NLGN1: variants seen among roughly 807,000 people sequenced by gnomAD.
NLGN1 encodes the protein neuroligin 1.
A neutral mutation model predicts 65.5 loss-of-function variants in NLGN1; 12 were observed. The observed-to-expected ratio is 0.18, with a 90% confidence interval of 0.12 to 0.30. The LOEUF (loss-of-function observed/expected upper bound fraction) is 0.30, where lower values mean the gene tolerates loss of function less well. Ranked by LOEUF, NLGN1 falls within the 10% of genes least tolerant of loss-of-function variation. The pLI is 1.00. For synonymous variants in NLGN1, 350 were observed against 359.5 expected, an observed-to-expected ratio of 0.97 and a Z score of 0.30; for missense variants, 750 against 1,007.1, an observed-to-expected ratio of 0.74 and a Z score of 3.46.
At chr3:173,493,949 A>G (rs1729592986) in intron 2 of NLGN1, among the ~76,000 whole-genome samples, 2 of 151,844 alleles carry the variant, frequency 1.3e-5, no homozygotes, top group African/African-American at 2.4e-5. Context: ...CCACATGGCT[A>G]TCCTCAGATT....
At chr3:173,883,429 A>G (rs1039591720) in intron 4 of NLGN1, among the ~76,000 whole-genome samples, 1 of 152,216 alleles carries the variant, frequency 6.6e-6, no homozygotes, top group South Asian at 2.1e-4. Context: ...ATCATAACAA[A>G]TAATAATAAT....
chr3:173,631,073 G>A (rs757502294), intron 3 of NLGN1, among the ~76,000 whole-genome samples: 1 of 152,034 alleles, frequency 6.6e-6, no homozygotes, highest in Non-Finnish European at 1.5e-5. Flanking sequence ...TCTTCTGATT[G>A]GTAACTGTGT....
rs147086115 is a variant in NLGN1 at position 173,762,010 on chromosome 3, A to G, written c.494-45670A>G. ...AGGGTTACAGAATGTTTCAGGGGCA[A>G]GAGTCTTCTTATAGCCTACTGGTAA... On this transcript the variant is annotated intron_variant, in intron 3 of 6. Coordinates refer to ENST00000457714, the Ensembl canonical transcript of NLGN1. Among the ~76,000 whole-genome samples the G allele has an allele frequency of 2.0e-4, 31 of 152,268 alleles. No individual in the cohort carries two copies. In the East Asian group the frequency reaches 5.8e-3, roughly 28 times the overall value.
intron 4 of NLGN1, among the ~76,000 whole-genome samples, chr3:174,060,998 G>A (rs1240526308): frequency 1.3e-5 from 2 of 152,086 alleles, no homozygotes; most frequent in Non-Finnish European, 2.9e-5. Context: ...GACCTTGGGA[G>A]ATATACTGAA....
At chr3:173,584,432 T>TTG (rs34020380) in intron 2 of NLGN1, 1 of 106,308 alleles carries the variant, frequency 9.4e-6, no homozygotes, top group South Asian at 2.9e-4. Context: ...TTTTTTTTTT[T>TTG]GCGAGGAGTG....
chr3:173,673,199 A>G (rs1205665294), intron 3 of NLGN1, among the ~76,000 whole-genome samples: 2 of 152,132 alleles, frequency 1.3e-5, no homozygotes, highest in Non-Finnish European at 2.9e-5. Flanking sequence ...TATGAAATGT[A>G]CCCCTGGGTA....
At chr3:173,594,077 C>G (rs536902582) in intron 2 of NLGN1, among the ~76,000 whole-genome samples, 2 of 152,202 alleles carry the variant, frequency 1.3e-5, no homozygotes, top group Admixed American at 1.3e-4. Context: ...TCATTCTGCC[C>G]CTGGCCCCTC....
chr3:173,805,969 A>G (rs1238877564), intron 3 of NLGN1, among the ~76,000 whole-genome samples: 1 of 152,142 alleles, frequency 6.6e-6, no homozygotes, highest in Non-Finnish European at 1.5e-5. Context: ...CAAGGAGAAA[A>G]TAAATTCAGA....
At chr3:174,120,631 G>A (rs1161331201) in intron 4 of NLGN1, among the ~76,000 whole-genome samples, 1 of 152,186 alleles carries the variant, frequency 6.6e-6, no homozygotes, top group Non-Finnish European at 1.5e-5. Flanking sequence ...TTCTTAAAGA[G>A]TTTGAATTTA....
chr3:174,054,590 G>T (rs929921554), intron 4 of NLGN1, among the ~76,000 whole-genome samples: 1 of 151,914 alleles, frequency 6.6e-6, no homozygotes, highest in African/African-American at 2.4e-5. Context: ...AGAATGATTT[G>T]CTTTTGTTTG....
intron 4 of NLGN1, among the ~76,000 whole-genome samples, chr3:174,150,514 C>A (rs1477661658): frequency 6.6e-6 from 1 of 152,084 alleles, no homozygotes; most frequent in Non-Finnish European, 1.5e-5. Flanking sequence ...AGTAAAATTG[C>A]CCCTATTTGA....
chr3:174,277,524 C>A (rs760953783), intron 5 of NLGN1, among the ~76,000 whole-genome samples: 1 of 151,764 alleles, frequency 6.6e-6, no homozygotes, highest in Non-Finnish European at 1.5e-5. Context: ...TTTAGTTACA[C>A]AATTTTTATT....
intron 4 of NLGN1, among the ~76,000 whole-genome samples, chr3:173,963,462 G>A (rs76668349): frequency 0.01 from 1,546 of 152,140 alleles, 42 homozygotes; most frequent in East Asian, 0.058. Flanking sequence ...CTGCCTACCC[G>A]TTCTATGTAC....
intron 4 of NLGN1, among the ~76,000 whole-genome samples, chr3:174,167,385 T>C (rs1577185008): frequency 1.3e-5 from 2 of 152,174 alleles, no homozygotes; most frequent in Admixed American, 6.6e-5. Context: ...AAGGCTGTTC[T>C]AGTGGCAACA....
chr3:173,738,176 A>C (rs956431722), intron 3 of NLGN1, among the ~76,000 whole-genome samples: 1 of 151,870 alleles, frequency 6.6e-6, no homozygotes, highest in Non-Finnish European at 1.5e-5. Flanking sequence ...TGATTTGCAA[A>C]TATTTTCTTT....
At chr3:173,862,392 G>C (rs1729293719) in intron 4 of NLGN1, among the ~76,000 whole-genome samples, 2 of 149,240 alleles carry the variant, frequency 1.3e-5, no homozygotes, top group Admixed American at 1.3e-4. Flanking sequence ...TGTAGTCCCA[G>C]CTACTTGGGA....
chr3:173,543,520 C>T (rs537015417), intron 2 of NLGN1, among the ~76,000 whole-genome samples: 9 of 152,128 alleles, frequency 5.9e-5, no homozygotes, highest in African/African-American at 9.6e-5. Flanking sequence ...TTGATGATTC[C>T]GACAGTGTCC....
chr3:174,097,670 T>G (rs748629342), intron 4 of NLGN1, among the ~76,000 whole-genome samples: 1 of 152,152 alleles, frequency 6.6e-6, no homozygotes, highest in Non-Finnish European at 1.5e-5. Flanking sequence ...CAGCCAGCTA[T>G]GAAGAAAAAC....
downstream of NLGN1, among the ~76,000 whole-genome samples, chr3:174,286,895 G>A (rs2152900898): frequency 6.6e-6 from 1 of 151,130 alleles, no homozygotes; most frequent in East Asian, 2.0e-4. Flanking sequence ...GTGGGAGAAG[G>A]AAAAAGAAAA....
Sources: allele counts gnomAD v4.1 joint callset (sites outside exome capture counted in the v4.1 genomes callset), GRCh38; gene constraint gnomAD v4.1.1; transcripts MANE v1.5; gene names NCBI Gene and HGNC (gene_info 2026-07-23, HGNC 2026-07-21).